Variants in RIMS1 observed in about 807,000 individuals in gnomAD.
RIMS1 encodes regulating synaptic membrane exocytosis protein 1.
A neutral mutation model predicts 214.1 loss-of-function variants in RIMS1; 83 were observed. The ratio of observed to expected loss-of-function variants is 0.39; its 90% CI spans 0.32 to 0.47. The LOEUF is 0.47. RIMS1 is among the 20% of genes least tolerant of loss of function. The pLI, the probability that RIMS1 is intolerant of heterozygous loss-of-function variation, is 0.99. For missense variants in RIMS1, 2,050 were observed against 2,161.8 expected, an observed-to-expected ratio of 0.95 and a Z score of 1.03; for synonymous variants, 793 against 786.8, an observed-to-expected ratio of 1.01 and a Z score of -0.13.
chr6:72,339,097 A>G (rs56053233), intron 29 of RIMS1, among the ~76,000 whole-genome samples: 5 of 151,782 alleles, frequency 3.3e-5, no homozygotes, highest in Non-Finnish European at 7.4e-5. Context: ...AAAGACAATT[A>G]TATTAAATAC....
chr6:72,272,103 G>A (rs1226236720), intron 22 of RIMS1, among the ~76,000 whole-genome samples: 1 of 152,114 alleles, frequency 6.6e-6, no homozygotes, highest in African/African-American at 2.4e-5. Flanking sequence ...AATCAAGAAA[G>A]GACCGGTTTA....
chr6:72,091,106 A>T (rs1373255917), intron 2 of RIMS1, among the ~76,000 whole-genome samples: 1 of 152,244 alleles, frequency 6.6e-6, no homozygotes, highest in African/African-American at 2.4e-5. Flanking sequence ...CATTGTACAC[A>T]CATCCTAAAG....
intron 18 of RIMS1, among the ~76,000 whole-genome samples, chr6:72,259,416 G>T (rs2077076609): frequency 6.6e-6 from 1 of 152,046 alleles, no homozygotes; most frequent in Admixed American, 6.6e-5. Flanking sequence ...TGCATAAGGA[G>T]TTTTCAAATA....
At chr6:72,254,546 A>C (rs1221171609) in intron 16 of RIMS1, among the ~76,000 whole-genome samples, 3 of 152,192 alleles carry the variant, frequency 2.0e-5, no homozygotes, top group Non-Finnish European at 4.4e-5. Context: ...TAATGTTGTC[A>C]TTACCAATTT....
intron 2 of RIMS1, among the ~76,000 whole-genome samples, chr6:72,048,073 GA>G (rs1482343126): frequency 1.3e-5 from 2 of 152,180 alleles, no homozygotes; most frequent in Non-Finnish European, 2.9e-5. Flanking sequence ...CCACTCTCAT[GA>G]AGCTACATTT....
At chr6:72,362,621 A>G (rs1564527384) in intron 29 of RIMS1, among the ~76,000 whole-genome samples, 1 of 152,248 alleles carries the variant, frequency 6.6e-6, no homozygotes, top group East Asian at 1.9e-4. Context: ...ATATACCCAT[A>G]TAGTAGATAA....
intron 2 of RIMS1, among the ~76,000 whole-genome samples, chr6:72,027,994 T>G (rs1817025736): frequency 6.6e-6 from 1 of 152,160 alleles, no homozygotes; most frequent in South Asian, 2.1e-4. Flanking sequence ...GTGTGCAAAA[T>G]TACTTATCTT....
chr6:71,887,034 C>A lies in RIMS1; in HGVS notation c.11C>A (p.Ala4Asp), dbSNP rs4406193. Residue 4 changes from alanine (A) to aspartate (D), a missense_variant, in exon 1 of 34, where the codon GCC becomes GAC. Physicochemically the swap from Ala to Asp is moderately radical, Grantham distance 126. This residue lies in a region of RIMS1 where 882 missense variants were observed against 828.9 expected (regional missense o/e 1.06). Transcript: ENST00000521978. MSS[A>D]VGPRGPRPPT... ...GGGCAGGCCACGAAAATGTCCTCGGCCGTGGGGCCCCGCGGTCCTCGCCCA... is the reference window on the plus strand; with the variant it reads ...GGGCAGGCCACGAAAATGTCCTCGGACGTGGGGCCCCGCGGTCCTCGCCCA... The A allele has an allele frequency of 6.2e-7, 1 of 1,612,954 alleles. No homozygotes were observed. Among genetic ancestry groups the A allele is most frequent in the Non-Finnish European group, 8.5e-7 (1 of 1,179,512 alleles).
chr6:72,075,616 TA>T (rs917510661), intron 2 of RIMS1, among the ~76,000 whole-genome samples: 14 of 152,168 alleles, frequency 9.2e-5, no homozygotes, highest in South Asian at 4.1e-4. Context: ...TTAATGAAGT[TA>T]AAAAAAATTA....
chr6:71,971,796 G>A (rs1401400122), intron 2 of RIMS1, among the ~76,000 whole-genome samples: 1 of 152,074 alleles, frequency 6.6e-6, no homozygotes, highest in Non-Finnish European at 1.5e-5. Flanking sequence ...AGAACAGCAT[G>A]GGAAAGACCT....
chr6:72,104,441 A>C (rs540576789), intron 4 of RIMS1, among the ~76,000 whole-genome samples: 31 of 152,338 alleles, frequency 2.0e-4, no homozygotes, highest in African/African-American at 7.5e-4. Context: ...CATACCTGCC[A>C]TCCAACAGAT....
chr6:72,122,436 G>A (rs184490037), intron 4 of RIMS1, among the ~76,000 whole-genome samples: 49 of 151,582 alleles, frequency 3.2e-4, no homozygotes, highest in Middle Eastern at 3.4e-3. Flanking sequence ...GTGATCTCCT[G>A]ACCTCATGAT....
intron 2 of RIMS1, among the ~76,000 whole-genome samples, chr6:72,054,265 T>A (rs901204849): frequency 1.3e-5 from 2 of 152,208 alleles, no homozygotes; most frequent in African/African-American, 4.8e-5. Context: ...TCTCATTCAT[T>A]TTCATGGCTG....
At chr6:72,363,123 A>G (rs546313529) in intron 29 of RIMS1, among the ~76,000 whole-genome samples, 5 of 152,304 alleles carry the variant, frequency 3.3e-5, no homozygotes, top group African/African-American at 1.2e-4. Context: ...CTGCTACTTC[A>G]GGACCTGAGG....
intron 2 of RIMS1, among the ~76,000 whole-genome samples, chr6:72,094,630 T>C (rs1024245677): frequency 1.3e-5 from 2 of 152,192 alleles, no homozygotes; most frequent in African/African-American, 4.8e-5. Flanking sequence ...ATTTACATAC[T>C]ATCTGTGGCT....
At chr6:72,213,887 G>A (rs988362592) in intron 6 of RIMS1, among the ~76,000 whole-genome samples, 1 of 152,060 alleles carries the variant, frequency 6.6e-6, no homozygotes, top group African/African-American at 2.4e-5. Flanking sequence ...TATAGCTGTG[G>A]AATCACAACT....
chr6:71,900,316 A>G (rs1159700927), intron 1 of RIMS1, among the ~76,000 whole-genome samples: 1 of 152,076 alleles, frequency 6.6e-6, no homozygotes, highest in East Asian at 1.9e-4. Flanking sequence ...TGGTTTGAGA[A>G]GAATTTGGAG....
chr6:72,251,089 A>G lies in RIMS1; in HGVS notation c.2541A>G (p.Gly847=), dbSNP rs1356589886. The change falls in exon 14 of 34, where the codon GGA becomes GGG. Residue 847 remains glycine, a synonymous_variant. Coordinates refer to ENST00000521978, the MANE Select transcript of RIMS1 (RefSeq NM_014989.7). ...RVQEEESEFL[G]EILIELETAL... Reference sequence around the variant, plus strand: ...AAGAAGAAGAAAGTGAATTTCTTGGAGAGGTGATGTATATTTTAAAAACTC... The same window carrying G: ...AAGAAGAAGAAAGTGAATTTCTTGGGGAGGTGATGTATATTTTAAAAACTC... 1 of 1,578,244 alleles carries G rather than the reference A, an allele frequency of 6.3e-7. No homozygotes were observed.
chr6:72,082,382 A>G (rs1284287763), intron 2 of RIMS1, among the ~76,000 whole-genome samples: 3 of 152,196 alleles, frequency 2.0e-5, no homozygotes, highest in Non-Finnish European at 4.4e-5. Context: ...TTGCATATAC[A>G]TATTAGCCAT....
Sources: gnomAD v4.1 joint callset for allele counts (sites outside exome capture counted in the v4.1 genomes callset) on GRCh38, gnomAD v4.1.1 for gene constraint, gnomAD v4.1.1 regional missense constraint, MANE v1.5 for transcripts, NCBI Gene and HGNC (gene_info 2026-07-23, HGNC 2026-07-21) for gene names.